Variants in ROBO2 observed in about 807,000 individuals in gnomAD.
ROBO2 encodes the protein roundabout guidance receptor 2.
Under a neutral mutation model 160.8 loss-of-function variants are expected in ROBO2, and 53 were observed. The ratio of observed to expected loss-of-function variants is 0.33; its 90% CI spans 0.26 to 0.41. The LOEUF (loss-of-function observed/expected upper bound fraction) is 0.41. ROBO2 is among the 10% of genes least tolerant of loss of function. The probability of loss-of-function intolerance (pLI) is 1.00; values close to 1 mark genes in which losing one functional copy is unlikely to be tolerated. For missense variants in ROBO2, 1,577 were observed against 1,722.4 expected (o/e 0.92, Z 1.49); for synonymous variants, 664 against 611.7 (o/e 1.09, Z -1.26).
At chr3:76,651,104 A>G (rs1465985124) in intron 2 of ROBO2, among the ~76,000 whole-genome samples, 2 of 152,166 alleles carry the variant, frequency 1.3e-5, no homozygotes, top group African/African-American at 4.8e-5. Context: ...GAAGTTTCCC[A>G]TAATTGCCAG....
At chr3:76,011,559 G>A (rs1163277823) in intron 2 of ROBO2, among the ~76,000 whole-genome samples, 1 of 152,124 alleles carries the variant, frequency 6.6e-6, no homozygotes. Context: ...CAAGTGGTAA[G>A]CATTCAGATC....
Position 76,744,279 on chromosome 3 carries a change from ACTT to A in ROBO2, c.110-353724_110-353722del, listed in dbSNP as rs201299705. 6.5e-3 allele frequency among the ~76,000 whole-genome samples: 990 copies of A among 151,680 alleles called. 6 individuals carry two copies. The highest frequency in any genetic ancestry group is 0.024 in the Middle Eastern group (7 of 294). On this transcript the variant is annotated intron_variant, in intron 2 of 26. Transcript: ENST00000487694. Reference sequence around the variant, plus strand: ...AGGGTAGGTTTCTTCTCCGCCTGTTACTTCTTCTTCTTCCCCTCCTCTTCCTCT... The same window carrying A: ...AGGGTAGGTTTCTTCTCCGCCTGTTACTTCTTCTTCCCCTCCTCTTCCTCT...
At chr3:77,580,496 T>C (rs1466411452) in intron 16 of ROBO2, among the ~76,000 whole-genome samples, 3 of 152,090 alleles carry the variant, frequency 2.0e-5, no homozygotes, top group Non-Finnish European at 4.4e-5. Flanking sequence ...CAGAGAAATG[T>C]CAAAAATTAA....
chr3:76,401,950 G>A (rs2077847622), intron 2 of ROBO2, among the ~76,000 whole-genome samples: 1 of 151,446 alleles, frequency 6.6e-6, no homozygotes, highest in African/African-American at 2.4e-5. Flanking sequence ...TCAGAAGGCA[G>A]TTCTATCATT....
At chr3:77,323,331 T>C (rs1049835742) in intron 2 of ROBO2, among the ~76,000 whole-genome samples, 14 of 151,814 alleles carry the variant, frequency 9.2e-5, no homozygotes, top group Non-Finnish European at 1.6e-4. Context: ...TGTTGACTTT[T>C]CATACTTGCT....
chr3:76,600,221 T>C (rs1004043529), intron 2 of ROBO2, among the ~76,000 whole-genome samples: 3 of 152,178 alleles, frequency 2.0e-5, no homozygotes, highest in African/African-American at 7.2e-5. Context: ...GATTTTTGTA[T>C]ATGGTGTAAG....
chr3:76,108,153 A>G (rs2070031518), intron 2 of ROBO2, among the ~76,000 whole-genome samples: 2 of 152,060 alleles, frequency 1.3e-5, no homozygotes, highest in Non-Finnish European at 2.9e-5. Flanking sequence ...ACTGCCATCT[A>G]CTGGGTTGTG....
At chr3:76,913,318 G>A (rs575486121) in intron 2 of ROBO2, among the ~76,000 whole-genome samples, 4 of 152,168 alleles carry the variant, frequency 2.6e-5, no homozygotes, top group South Asian at 2.1e-4. Flanking sequence ...AGGGAGTCAC[G>A]CTCTCCCTAC....
At position 76,904,456 on chromosome 3, in the gene ROBO2, C is replaced by T. The variant is rs530580884; in HGVS notation, c.110-193558C>T. 2.6e-5 allele frequency among the ~76,000 whole-genome samples: 4 copies of T among 152,234 alleles called. No homozygotes were observed. The South Asian group carries it at 8.3e-4, about 32-fold the overall frequency. ...AAATATAATTGAAGTATTTTACTTT[C>T]ATAATAATATACTAGGGCTTAATAT... On this transcript the variant is annotated intron_variant, in intron 2 of 26. Coordinates refer to the ROBO2 transcript ENST00000487694.
intron 2 of ROBO2, among the ~76,000 whole-genome samples, chr3:76,424,234 A>G (rs2076117296): frequency 6.6e-6 from 1 of 152,214 alleles, no homozygotes; most frequent in Admixed American, 6.5e-5. Flanking sequence ...AAATTATGCA[A>G]TGAATTGAAC....
chr3:77,232,606 G>A (rs1433931455), intron 2 of ROBO2, among the ~76,000 whole-genome samples: 1 of 152,164 alleles, frequency 6.6e-6, no homozygotes, highest in Non-Finnish European at 1.5e-5. Context: ...TATGCTACAT[G>A]GAATTACCCA....
chr3:76,389,184 G>T (rs560653715), intron 2 of ROBO2, among the ~76,000 whole-genome samples: 1 of 152,306 alleles, frequency 6.6e-6, no homozygotes, highest in East Asian at 1.9e-4. Context: ...TTGTAAACTG[G>T]TAATGAAATA....
chr3:76,779,091 C>A lies in ROBO2; in HGVS notation c.110-318923C>A, dbSNP rs1687216544. Among the ~76,000 whole-genome samples the A allele has an allele frequency of 2.0e-5, 3 of 151,044 alleles. No individual in the cohort carries two copies. In the Middle Eastern group the frequency reaches 0.01, roughly 514 times the overall value. On this transcript the variant is annotated intron_variant, in intron 2 of 26. Coordinates refer to the ROBO2 transcript ENST00000487694. ...CCAGGCTGAATCCTAAGAAAAGACACCAAAGTGTTCAGTGTTAGTCTGTGG... is the reference window on the plus strand; with the variant it reads ...CCAGGCTGAATCCTAAGAAAAGACAACAAAGTGTTCAGTGTTAGTCTGTGG...
chr3:76,119,469 CAT>C (rs923093226), intron 2 of ROBO2, among the ~76,000 whole-genome samples: 9 of 151,686 alleles, frequency 5.9e-5, no homozygotes, highest in African/African-American at 1.2e-4. Flanking sequence ...TAATTAATAA[CAT>C]ATTATAATTA....
intron 2 of ROBO2, among the ~76,000 whole-genome samples, chr3:76,939,978 G>GGTTTT (rs2078048454): frequency 1.2e-5 from 1 of 81,460 alleles, no homozygotes; most frequent in African/African-American, 5.2e-5. Flanking sequence ...AAAGCAACAG[G>GGTTTT]ATTTTTTTTT....
chr3:77,303,367 A>G (rs2062817309), intron 2 of ROBO2, among the ~76,000 whole-genome samples: 1 of 152,214 alleles, frequency 6.6e-6, no homozygotes, highest in African/African-American at 2.4e-5. Context: ...TATGGAAGAC[A>G]AAAATAACCT....
intron 1 of ROBO2, among the ~76,000 whole-genome samples, chr3:77,047,740 G>C (rs1438576506): frequency 7.1e-6 from 1 of 141,374 alleles, no homozygotes; most frequent in Non-Finnish European, 1.5e-5. Context: ...ATAAAATAAA[G>C]ATGTATATAA....
intron 1 of ROBO2, among the ~76,000 whole-genome samples, chr3:75,927,534 A>G (rs1947336319): frequency 6.6e-6 from 1 of 152,244 alleles, no homozygotes; most frequent in Non-Finnish European, 1.5e-5. Flanking sequence ...TATTGCTCAC[A>G]TAGTCACGTA....
intron 2 of ROBO2, among the ~76,000 whole-genome samples, chr3:76,649,370 A>G (rs533369701): frequency 1.3e-5 from 2 of 152,296 alleles, no homozygotes; most frequent in South Asian, 2.1e-4. Context: ...TAATTTATTT[A>G]ATCACCAAGA....
Sources: allele counts gnomAD v4.1 joint callset (sites outside exome capture counted in the v4.1 genomes callset), GRCh38; gene constraint gnomAD v4.1.1; transcripts MANE v1.5; gene names NCBI Gene and HGNC (gene_info 2026-07-23, HGNC 2026-07-21).